WWOX: variants seen among roughly 807,000 people sequenced by gnomAD.
The protein encoded by WWOX is WW domain containing oxidoreductase, also known as WW domain-containing oxidoreductase.
WWOX carries 69 observed loss-of-function variants against 46.2 expected under a neutral mutation model. The ratio of observed to expected loss-of-function variants is 1.49; its 90% CI spans 1.23 to 1.82. The LOEUF (loss-of-function observed/expected upper bound fraction) is 1.82, where lower values mean the gene tolerates loss of function less well. Ranked by LOEUF, WWOX falls within the 40% of genes most tolerant of loss-of-function variation. The probability of loss-of-function intolerance (pLI) is 0.00; values close to 1 mark genes in which losing one functional copy is unlikely to be tolerated. For synonymous variants in WWOX, 359 were observed against 202.6 expected, an observed-to-expected ratio of 1.77 and a Z score of -6.56; for missense variants, 919 against 542.6, an observed-to-expected ratio of 1.69 and a Z score of -6.89.
chr16:78,100,655 C>T (rs1301423511), intron 1 of WWOX, among the ~76,000 whole-genome samples: 1 of 152,174 alleles, frequency 6.6e-6, no homozygotes, highest in Non-Finnish European at 1.5e-5. Context: ...GACCTTGGGC[C>T]ATTGAAATAA....
rs967872717 is a variant in WWOX at position 79,040,435 on chromosome 16, A to G, written c.1057-171173A>G. Among the ~76,000 whole-genome samples the G allele has an allele frequency of 3.9e-5, 6 of 151,922 alleles. 1 individual carries two copies. Among genetic ancestry groups the G allele is most frequent in the Non-Finnish European group, 8.8e-5 (6 of 67,984 alleles). On this transcript the variant is annotated intron_variant, in intron 8 of 8. Transcript: ENST00000566780. ...GACCACAGGATGCACCACCATGGCC[A>G]GATAATTGTTTTGCATCTTTGGTAG... is the stretch of plus-strand genomic sequence containing the variant.
intron 8 of WWOX, among the ~76,000 whole-genome samples, chr16:78,796,285 G>A (rs2050735488): frequency 6.6e-6 from 1 of 152,198 alleles, no homozygotes; most frequent in Non-Finnish European, 1.5e-5. Flanking sequence ...TTGACATCTT[G>A]GGCTCAGCCA....
At chr16:78,603,591 G>A (rs921861993) in intron 8 of WWOX, among the ~76,000 whole-genome samples, 3 of 152,294 alleles carry the variant, frequency 2.0e-5, no homozygotes, top group Non-Finnish European at 4.4e-5. Context: ...CTACTCAGGA[G>A]ACTGAGGCAG....
chr16:78,579,882 C>G (rs1051945524), intron 8 of WWOX, among the ~76,000 whole-genome samples: 1 of 152,114 alleles, frequency 6.6e-6, no homozygotes, highest in Admixed American at 6.6e-5. Context: ...CACTGGAACC[C>G]AAGCAAAGTG....
At chr16:79,023,981 T>G (rs1316840440) in intron 8 of WWOX, among the ~76,000 whole-genome samples, 1 of 151,452 alleles carries the variant, frequency 6.6e-6, no homozygotes, top group Non-Finnish European at 1.5e-5. Flanking sequence ...AACATTATAT[T>G]AAGTGAAAGA....
chr16:78,227,631 C>A (rs142109443), intron 5 of WWOX, among the ~76,000 whole-genome samples: 230 of 152,242 alleles, frequency 1.5e-3, no homozygotes, highest in African/African-American at 5.4e-3. Flanking sequence ...AATCCCAGCA[C>A]TTTGGGAGGC....
At chr16:79,135,682 C>T (rs1055507281) in intron 8 of WWOX, among the ~76,000 whole-genome samples, 1 of 152,122 alleles carries the variant, frequency 6.6e-6, no homozygotes, top group African/African-American at 2.4e-5. Flanking sequence ...ACACACCCAC[C>T]AAATCTAAGT....
Position 78,761,034 on chromosome 16 carries a change from A to G in WWOX, c.1056+328282A>G, listed in dbSNP as rs1189932328. Among the ~76,000 whole-genome samples the G allele has an allele frequency of 3.3e-5, 5 of 152,112 alleles. No individual in the cohort carries two copies. In the South Asian group the frequency reaches 8.3e-4, roughly 25 times the overall value. ...AAAGACCCTCCCCCATGATTCAGTT[A>G]TCTCCTACCAGGCCCCTCCTACAAC... On this transcript the variant is annotated intron_variant, in intron 8 of 8. Transcript: ENST00000566780.
At chr16:78,578,209 C>T (rs1297961060) in intron 8 of WWOX, among the ~76,000 whole-genome samples, 1 of 124,562 alleles carries the variant, frequency 8.0e-6, no homozygotes, top group Non-Finnish European at 1.6e-5. Context: ...AGTCTCTTGC[C>T]TTTCAATTTT....
intron 8 of WWOX, among the ~76,000 whole-genome samples, chr16:78,708,002 A>C (rs1222217226): frequency 6.6e-6 from 1 of 152,158 alleles, no homozygotes; most frequent in Non-Finnish European, 1.5e-5. Flanking sequence ...TTCTGACCTG[A>C]AATCCCATGG....
intron 5 of WWOX, among the ~76,000 whole-genome samples, chr16:78,194,157 C>T (rs1262523248): frequency 6.6e-6 from 1 of 151,924 alleles, no homozygotes; most frequent in Non-Finnish European, 1.5e-5. Flanking sequence ...GGATTACAGG[C>T]GTGAGCAACT....
intron 8 of WWOX, among the ~76,000 whole-genome samples, chr16:78,754,853 G>C (rs543233217): frequency 1.3e-5 from 2 of 152,220 alleles, no homozygotes; most frequent in East Asian, 3.9e-4. Context: ...TCAGCTGGTG[G>C]GTGATAACTT....
intron 8 of WWOX, among the ~76,000 whole-genome samples, chr16:78,642,678 T>G (rs2046749082): frequency 6.6e-6 from 1 of 152,158 alleles, no homozygotes; most frequent in Admixed American, 6.5e-5. Context: ...TTGGTGTCCA[T>G]GGCAGTTCCC....
At chr16:78,622,740 T>C (rs2046220015) in intron 8 of WWOX, among the ~76,000 whole-genome samples, 1 of 152,156 alleles carries the variant, frequency 6.6e-6, no homozygotes, top group East Asian at 1.9e-4. Context: ...TGTAACTGTT[T>C]AGATTCGGTT....
At chr16:79,028,140 G>A (rs1160840205) in intron 8 of WWOX, among the ~76,000 whole-genome samples, 4 of 151,634 alleles carry the variant, frequency 2.6e-5, no homozygotes, top group South Asian at 4.2e-4. Flanking sequence ...CAGCAGAGAC[G>A]GGGTTTCACC....
chr16:78,651,801 C>T (rs1041214394), intron 8 of WWOX, among the ~76,000 whole-genome samples: 2 of 152,212 alleles, frequency 1.3e-5, no homozygotes, highest in African/African-American at 4.8e-5. Context: ...GGATGGGAAT[C>T]TGGCTTCTAA....
intron 5 of WWOX, among the ~76,000 whole-genome samples, chr16:78,178,795 C>T (rs2151750827): frequency 6.7e-6 from 1 of 150,168 alleles, no homozygotes; most frequent in South Asian, 2.1e-4. Flanking sequence ...ACCTGGGAGG[C>T]AGAGGTTGCA....
intron 5 of WWOX, among the ~76,000 whole-genome samples, chr16:78,231,515 G>T (rs2037260923): frequency 6.6e-6 from 1 of 152,150 alleles, no homozygotes; most frequent in Non-Finnish European, 1.5e-5. Context: ...GTGTAGCTTT[G>T]CCTTTCCTTA....
At chr16:79,068,697 GC>G (rs1456835101) in intron 8 of WWOX, among the ~76,000 whole-genome samples, 2 of 151,824 alleles carry the variant, frequency 1.3e-5, no homozygotes, top group Non-Finnish European at 2.9e-5. Context: ...TGTGCTCCCA[GC>G]CACTCAGGAG....
Sources: allele counts gnomAD v4.1 joint callset (sites outside exome capture counted in the v4.1 genomes callset), GRCh38; gene constraint gnomAD v4.1.1; transcripts MANE v1.5; gene names NCBI Gene and HGNC (gene_info 2026-07-23, HGNC 2026-07-21).